The following IGSF11 variants were observed in gnomAD, a reference collection of about 807,000 sequenced individuals.
IGSF11 encodes the protein CXADR like 1.
IGSF11 carries 22 observed loss-of-function variants against 41.0 expected under a neutral mutation model. The observed-to-expected ratio is 0.54, with a 90% CI of 0.38 to 0.77. IGSF11 has a LOEUF of 0.77. IGSF11 is among the 30% of genes least tolerant of loss of function. The pLI, the probability that IGSF11 is intolerant of heterozygous loss-of-function variation, is 0.00. For synonymous variants in IGSF11, 219 were observed against 201.3 expected, an observed-to-expected ratio of 1.09 and a Z score of -0.74; for missense variants, 444 against 530.8, an observed-to-expected ratio of 0.84 and a Z score of 1.61.
At chr3:119,046,836 A>C (rs1007982738) in intron 1 of IGSF11, among the ~76,000 whole-genome samples, 19 of 149,824 alleles carry the variant, frequency 1.3e-4, no homozygotes, top group South Asian at 4.2e-4. Context: ...AGTGGGGGCC[A>C]ATATTCAACA....
At chr3:118,903,558 G>A (rs1375828924) in intron 6 of IGSF11, among the ~76,000 whole-genome samples, 1 of 152,158 alleles carries the variant, frequency 6.6e-6, no homozygotes. Context: ...ACTGTGGGGT[G>A]CTGATGAGAG....
chr3:119,017,365 G>C (rs1938822461), intron 1 of IGSF11, among the ~76,000 whole-genome samples: 1 of 152,126 alleles, frequency 6.6e-6, no homozygotes. Context: ...AATAGAGTAG[G>C]CAATTATAAC....
intron 1 of IGSF11, among the ~76,000 whole-genome samples, chr3:119,030,942 G>A (rs1940336493): frequency 2.6e-5 from 4 of 152,190 alleles, no homozygotes; most frequent in Admixed American, 2.6e-4. Context: ...AACAATAGAT[G>A]TGGAATCCCT....
At chr3:119,140,849 G>A (rs11923949) in intron 1 of IGSF11, among the ~76,000 whole-genome samples, 2,585 of 132,940 alleles carry the variant, frequency 0.019, 66 homozygotes, top group African/African-American at 0.083. Context: ...TTCGAGACCA[G>A]TCTGGCTAAC....
intron 1 of IGSF11, among the ~76,000 whole-genome samples, chr3:119,032,518 T>C (rs1559820066): frequency 6.6e-6 from 1 of 152,182 alleles, no homozygotes; most frequent in Non-Finnish European, 1.5e-5. Context: ...CTCTACTATC[T>C]TGCCCCCAAC....
At chr3:119,115,186 G>A (rs1344565944) in intron 1 of IGSF11, among the ~76,000 whole-genome samples, 2 of 152,198 alleles carry the variant, frequency 1.3e-5, no homozygotes, top group African/African-American at 4.8e-5. Flanking sequence ...ATTGGCTATT[G>A]TAAATAGTGC....
intron 1 of IGSF11, among the ~76,000 whole-genome samples, chr3:119,067,109 A>G (rs926786753): frequency 6.6e-6 from 1 of 152,048 alleles, no homozygotes; most frequent in Non-Finnish European, 1.5e-5. Context: ...GTAGCTTTTT[A>G]TTGTATGCTA....
intron 1 of IGSF11, among the ~76,000 whole-genome samples, chr3:119,004,768 C>T (rs1008409517): frequency 2.3e-4 from 34 of 150,062 alleles, no homozygotes; most frequent in African/African-American, 7.4e-4. Flanking sequence ...TGTAGTTGAG[C>T]GGCTTTGAGT....
chr3:119,074,087 T>G (rs911434078), intron 1 of IGSF11, among the ~76,000 whole-genome samples: 1 of 152,208 alleles, frequency 6.6e-6, no homozygotes, highest in Non-Finnish European at 1.5e-5. Flanking sequence ...AACACCACAC[T>G]GACCATATTA....
chr3:118,922,190 A>G (rs1045087296), intron 4 of IGSF11, among the ~76,000 whole-genome samples: 1 of 152,180 alleles, frequency 6.6e-6, no homozygotes, highest in African/African-American at 2.4e-5. Context: ...CGTTAAGTGT[A>G]ACTTATTTAT....
intron 1 of IGSF11, among the ~76,000 whole-genome samples, chr3:119,089,510 A>C (rs945478137): frequency 1.3e-5 from 2 of 152,226 alleles, no homozygotes; most frequent in African/African-American, 4.8e-5. Context: ...TCTCCTTTAG[A>C]ATTGGAACAA....
At chr3:118,911,556 C>T (rs1940300512) in intron 4 of IGSF11, among the ~76,000 whole-genome samples, 1 of 151,988 alleles carries the variant, frequency 6.6e-6, no homozygotes, top group African/African-American at 2.4e-5. Flanking sequence ...AACTTGAGCC[C>T]AGGAGTGTGA....
At chr3:118,992,034 G>A (rs1265608775) in intron 1 of IGSF11, among the ~76,000 whole-genome samples, 3 of 152,162 alleles carry the variant, frequency 2.0e-5, no homozygotes, top group Admixed American at 6.5e-5. Context: ...ACAAACAGAA[G>A]GCTTCTGTAT....
chr3:118,947,589 G>C (rs1029811364), intron 1 of IGSF11: 1 of 152,090 alleles, frequency 6.6e-6, no homozygotes, highest in African/African-American at 2.4e-5. Flanking sequence ...ATTTTCATGT[G>C]AGCGTTTTGA....
At chr3:119,128,529 A>G (rs1433859555) in intron 1 of IGSF11, among the ~76,000 whole-genome samples, 1 of 152,180 alleles carries the variant, frequency 6.6e-6, no homozygotes, top group Non-Finnish European at 1.5e-5. Flanking sequence ...AGACACACAC[A>G]GGCTCAAAAT....
intron 1 of IGSF11, among the ~76,000 whole-genome samples, chr3:118,987,386 G>A (rs563790613): frequency 3.2e-4 from 49 of 152,290 alleles, no homozygotes; most frequent in Admixed American, 3.1e-3. Flanking sequence ...GGAACAAATG[G>A]TGGACATTGA....
intron 1 of IGSF11, among the ~76,000 whole-genome samples, chr3:119,117,145 A>C (rs142860226): frequency 6.6e-5 from 10 of 152,246 alleles, no homozygotes; most frequent in Middle Eastern, 3.4e-3. Flanking sequence ...ATGGGCAGGA[A>C]GAACCCCTCA....
chr3:119,117,346 T>C (rs537372836), intron 1 of IGSF11, among the ~76,000 whole-genome samples: 305 of 152,282 alleles, frequency 2.0e-3, no homozygotes, highest in Middle Eastern at 0.01. Context: ...TGGCTGGGGA[T>C]GCCTCACAAT....
intron 1 of IGSF11, among the ~76,000 whole-genome samples, chr3:119,074,584 G>A (rs1306791086): frequency 2.0e-5 from 3 of 151,086 alleles, no homozygotes; most frequent in Admixed American, 6.6e-5. Flanking sequence ...CCAGGCACAC[G>A]AGATTACATA....
Sources: gnomAD v4.1 joint callset for allele counts (sites outside exome capture counted in the v4.1 genomes callset) on GRCh38, gnomAD v4.1.1 for gene constraint, MANE v1.5 for transcripts, NCBI Gene and HGNC (gene_info 2026-07-23, HGNC 2026-07-21) for gene names.